CNBD1: variants seen among roughly 807,000 people sequenced by gnomAD.
CNBD1 encodes the protein cyclic nucleotide binding domain containing 1, also known as cyclic nucleotide-binding domain-containing protein 1.
Under a neutral mutation model 54.4 loss-of-function variants are expected in CNBD1, and 71 were observed. That is an observed-to-expected ratio of 1.30 (90% CI 1.08 to 1.59). CNBD1 has a LOEUF of 1.59. CNBD1 is among the 40% of genes most tolerant of loss of function. CNBD1 has a pLI of 0.00. For missense variants in CNBD1, 659 were observed against 518.0 expected (o/e 1.27, Z -2.64); for synonymous variants, 182 against 170.7 (o/e 1.07, Z -0.51).
chr8:87,324,781 G>GT (rs1331073386), intron 8 of CNBD1, among the ~76,000 whole-genome samples: 3 of 140,690 alleles, frequency 2.1e-5, no homozygotes, highest in East Asian at 4.0e-4. Context: ...TTTTTGAAGG[G>GT]TTTTTTGTGT....
At chr8:87,303,595 A>G (rs376779485) in intron 8 of CNBD1, among the ~76,000 whole-genome samples, 1 of 152,116 alleles carries the variant, frequency 6.6e-6, no homozygotes, top group African/African-American at 2.4e-5. Context: ...TTCATGTCTA[A>G]AACACAAAAA....
chr8:86,932,506 G>A (rs1809474275), intron 3 of CNBD1, among the ~76,000 whole-genome samples: 1 of 152,168 alleles, frequency 6.6e-6, no homozygotes, highest in East Asian at 1.9e-4. Flanking sequence ...CCTGTGGGAT[G>A]TAGATTGCAA....
At chr8:87,274,473 T>G (rs986934243) in intron 6 of CNBD1, among the ~76,000 whole-genome samples, 2 of 148,610 alleles carry the variant, frequency 1.3e-5, no homozygotes, top group African/African-American at 5.1e-5. Context: ...CTAACTGGTG[T>G]GAGATGATAT....
chr8:87,063,433 A>G (rs940669607), intron 4 of CNBD1, among the ~76,000 whole-genome samples: 3 of 152,140 alleles, frequency 2.0e-5, no homozygotes, highest in Non-Finnish European at 4.4e-5. Context: ...TAGATAAAAC[A>G]GTGATGTATT....
chr8:87,400,689 T>C (rs1315333640), intron 2 of CNBD1, among the ~76,000 whole-genome samples: 1 of 151,990 alleles, frequency 6.6e-6, no homozygotes, highest in Non-Finnish European at 1.5e-5. Context: ...TAGTCTGTAA[T>C]ACAAATTTAA....
In CNBD1 at chr8:87,197,660, G is replaced by A. The variant is rs74760186; in HGVS notation, c.432-8333G>A. Among the ~76,000 whole-genome samples, 885 of 152,170 alleles carry A rather than the reference G, an allele frequency of 5.8e-3. 1 individual carries two copies. The highest frequency in any genetic ancestry group is 0.011 in the South Asian group (51 of 4,814). ...AAGGTGAAAAATAGAAATTGATCAG[G>A]AATGATATTTCCAGAAAAAGATTAT... On this transcript the variant is annotated intron_variant, in intron 4 of 10. Transcript: ENST00000518476.
In CNBD1 at chr8:87,166,594, A is replaced by G. The variant is rs867273531; in HGVS notation, c.432-39399A>G. On this transcript the variant is annotated intron_variant, in intron 4 of 10. Transcript: ENST00000518476. This position sits in a 1 kb window ranked among gnomAD's most constrained non-coding sequence, Gnocchi z 4.3. The stretch of plus-strand genomic sequence containing the variant: ...GGCCCAGCTCAGTTTCTCAATGTTC[A>G]TTATTTCCAAAGTCCAGCCCTTCTC... Among the ~76,000 whole-genome samples, 1 of 151,884 alleles carries G rather than the reference A, an allele frequency of 6.6e-6. No homozygotes were observed. The highest frequency in any genetic ancestry group is 6.6e-5 in the Admixed American group (1 of 15,196).
chr8:87,140,223 C>G lies in CNBD1; in HGVS notation c.432-65770C>G, dbSNP rs999997657. ...GTCTCTGTCTCTCTTCTCTCTCTCT[C>G]TCTCTCTGTCTCTCATACACACACA... On this transcript the variant is annotated intron_variant, in intron 4 of 10. Transcript: ENST00000518476. Among the ~76,000 whole-genome samples, 4 of 152,240 alleles carry G rather than the reference C, an allele frequency of 2.6e-5. No homozygotes were observed. In the East Asian group the frequency reaches 7.7e-4, roughly 29 times the overall value.
At chr8:86,896,559 A>G (rs927569898) in intron 2 of CNBD1, among the ~76,000 whole-genome samples, 2 of 152,022 alleles carry the variant, frequency 1.3e-5, no homozygotes, top group South Asian at 2.1e-4. Flanking sequence ...TTTTTTTGAT[A>G]CTATCATAAA....
chr8:87,402,193 C>A (rs956530675), intron 2 of CNBD1, among the ~76,000 whole-genome samples: 1 of 151,798 alleles, frequency 6.6e-6, no homozygotes, highest in Admixed American at 6.6e-5. Flanking sequence ...TTCACTGTCA[C>A]GAGAATATCA....
chr8:87,284,855 G>A (rs370463390), intron 7 of CNBD1, 40 bp downstream of exon 7: 2 of 1,399,034 alleles, frequency 1.4e-6, no homozygotes, highest in African/African-American at 1.5e-5. Flanking sequence ...CAAAAATTGG[G>A]CATAAACTCA....
intron 3 of CNBD1, among the ~76,000 whole-genome samples, chr8:86,921,771 G>A (rs1809279087): frequency 1.3e-5 from 2 of 152,170 alleles, no homozygotes; most frequent in Non-Finnish European, 2.9e-5. Flanking sequence ...TTCAAGATGA[G>A]AGTTGGGTGG....
intron 2 of CNBD1, among the ~76,000 whole-genome samples, chr8:87,396,351 C>A (rs187249634): frequency 7.9e-5 from 12 of 151,958 alleles, no homozygotes; most frequent in Middle Eastern, 3.4e-3. Context: ...TACAGAATTT[C>A]CCTTAAATTA....
intron 10 of CNBD1, among the ~76,000 whole-genome samples, chr8:87,357,530 G>C (rs756060615): frequency 6.6e-6 from 1 of 152,104 alleles, no homozygotes; most frequent in African/African-American, 2.4e-5. Flanking sequence ...CATGGGGAAT[G>C]TTTCCCCTAT....
At chr8:87,246,998 A>G (rs961853843) in intron 6 of CNBD1, among the ~76,000 whole-genome samples, 3 of 152,074 alleles carry the variant, frequency 2.0e-5, no homozygotes, top group Admixed American at 6.6e-5. Flanking sequence ...TATGTTGCCT[A>G]TGTCCAGTCT....
chr8:87,117,914 C>A (rs116184891), intron 4 of CNBD1, among the ~76,000 whole-genome samples: 127 of 152,178 alleles, frequency 8.3e-4, no homozygotes, highest in African/African-American at 2.8e-3. Context: ...TAGGATATAT[C>A]ATCAATGAAC....
intron 4 of CNBD1, among the ~76,000 whole-genome samples, chr8:87,032,101 A>G (rs1156983494): frequency 1.3e-5 from 2 of 152,210 alleles, no homozygotes; most frequent in African/African-American, 4.8e-5. Context: ...TGAAGACAAC[A>G]TCTTTCTCTT....
chr8:87,376,645 A>C (rs1458466354), intron 10 of CNBD1, among the ~76,000 whole-genome samples: 2 of 151,132 alleles, frequency 1.3e-5, no homozygotes, highest in African/African-American at 4.9e-5. Context: ...AATCTTTAAT[A>C]GCTAAAGCAG....
chr8:87,297,421 C>T (rs1263760119), intron 8 of CNBD1, among the ~76,000 whole-genome samples: 2 of 151,752 alleles, frequency 1.3e-5, no homozygotes, highest in Non-Finnish European at 1.5e-5. Context: ...ATAGCACAGT[C>T]GTAGAACATG....
Sources: gnomAD v4.1 joint callset for allele counts (sites outside exome capture counted in the v4.1 genomes callset) on GRCh38, gnomAD v4.1.1 for gene constraint, Gnocchi (gnomAD v3.1) non-coding constraint, MANE v1.5 for transcripts, NCBI Gene and HGNC (gene_info 2026-07-23, HGNC 2026-07-21) for gene names.